BSPH1: variants seen among roughly 807,000 people sequenced by gnomAD.
The protein encoded by BSPH1 is binder of sperm 1.
Under a neutral mutation model 22.5 loss-of-function variants are expected in BSPH1, and 21 were observed. The observed-to-expected ratio is 0.93, with a 90% confidence interval of 0.66 to 1.35. The LOEUF (loss-of-function observed/expected upper bound fraction) is 1.35, where lower values mean the gene tolerates loss of function less well. Among genes scored for constraint, BSPH1 ranks in the 40% most tolerant of loss-of-function variants. BSPH1 has a pLI of 0.00. For synonymous variants in BSPH1, 42 were observed against 53.6 expected (o/e 0.78, Z 0.95); for missense variants, 141 against 154.2 (o/e 0.91, Z 0.45).
intron 1 of BSPH1, among the ~76,000 whole-genome samples, chr19:47,989,114 TTATTATTATTATTATTATTA>T (rs1568399769): frequency 3.2e-5 from 1 of 30,900 alleles, no homozygotes; most frequent in Non-Finnish European, 5.2e-5. Context: ...CACCGTTTTA[TTATTATTATTATTATTATTA>T]TTATTATTAT....
chr19:47,990,780 A>G (rs572695427), intron 1 of BSPH1, among the ~76,000 whole-genome samples: 68 of 152,098 alleles, frequency 4.5e-4, no homozygotes, highest in African/African-American at 1.5e-3. Flanking sequence ...TTATTTTTCT[A>G]TTTCGCTTCA....
chr19:47,980,910 G>A lies in BSPH1; in HGVS notation c.94+11C>T. 1 of 1,451,404 alleles carries A rather than the reference G, an allele frequency of 6.9e-7. No individual in the cohort carries two copies. The highest frequency in any genetic ancestry group is 9.3e-7 in the Non-Finnish European group (1 of 1,080,736). The allele number at this position is 1,451,404 out of a possible 1,614,324, so 89.9% of individuals were successfully genotyped here. On this transcript the variant is annotated intron_variant, in intron 2 of 5. Transcript: ENST00000344839. Reference sequence around the variant, plus strand: ...AAAGAAACGCTAATAAAAGTTTTTTGATCAACTCACCCACAGTTGATGATA... The same window carrying A: ...AAAGAAACGCTAATAAAAGTTTTTTAATCAACTCACCCACAGTTGATGATA...
At chr19:47,975,080 G>A (rs927320101) in intron 5 of BSPH1, among the ~76,000 whole-genome samples, 2 of 152,170 alleles carry the variant, frequency 1.3e-5, no homozygotes, top group Admixed American at 1.3e-4. Context: ...AACAATGGAA[G>A]ACCAGTTTCT....
chr19:47,983,697 G>A (rs1177892219), intron 1 of BSPH1, among the ~76,000 whole-genome samples: 1 of 152,150 alleles, frequency 6.6e-6, no homozygotes, highest in Non-Finnish European at 1.5e-5. Flanking sequence ...TACCTTGCAA[G>A]TACAATGCAA....
At position 47,977,434 on chromosome 19, in the gene BSPH1, TCTTGC is replaced by T. The variant is rs1293065737; in HGVS notation, c.190_194del (p.Ala64ThrfsTer41). 6.4e-7 allele frequency: 1 copy of T among 1,552,132 alleles called. No homozygotes were observed. The highest frequency in any genetic ancestry group is 8.7e-7 in the Non-Finnish European group (1 of 1,147,086). ...TCTTGTTTAACGAGCACCACTTGTG[TCTTGC>T]CTTGGACTTGATGCAGTCATAATAT... On this transcript the variant is annotated frameshift_variant, in exon 4 of 6. Transcript: ENST00000344839. LOFTEE classifies it high-confidence loss of function.
chr19:47,986,159 C>A (rs563814693), intron 1 of BSPH1, among the ~76,000 whole-genome samples: 3 of 152,194 alleles, frequency 2.0e-5, no homozygotes, highest in Non-Finnish European at 2.9e-5. Flanking sequence ...GTCCTACGAT[C>A]CTAACTTGGC....
chr19:47,991,560 A>ATCC (rs75603897), intron 1 of BSPH1, among the ~76,000 whole-genome samples: 42,982 of 63,588 alleles, frequency 0.68, 13,675 homozygotes, highest in African/African-American at 0.72. Context: ...CCTCCCGGTC[A>ATCC]TCCTCCTCCT....
intron 3 of BSPH1, among the ~76,000 whole-genome samples, chr19:47,979,269 C>G (rs191859930): frequency 6.6e-6 from 1 of 151,738 alleles, no homozygotes. Flanking sequence ...AAATATTTCT[C>G]TACTACAGCA....
chr19:47,984,836 G>A (rs150780358), intron 1 of BSPH1, among the ~76,000 whole-genome samples: 1 of 151,948 alleles, frequency 6.6e-6, no homozygotes, highest in African/African-American at 2.4e-5. Flanking sequence ...CAGCACTTTG[G>A]GAAGCTGAGG....
chr19:47,985,032 A>G (rs530667052), intron 1 of BSPH1, among the ~76,000 whole-genome samples: 1 of 148,294 alleles, frequency 6.7e-6, no homozygotes, highest in East Asian at 2.0e-4. Context: ...GCACCACTGC[A>G]CTCCAGTCTG....
At position 47,968,699 on chromosome 19, in the gene BSPH1, A is replaced by G. The variant is rs534105254; in HGVS notation, c.*3-490T>C. Among the ~76,000 whole-genome samples the G allele has an allele frequency of 1.5e-3, 228 of 150,094 alleles. 1 individual carries two copies. Among genetic ancestry groups the G allele is most frequent in the African/African-American group, 4.8e-3 (197 of 41,058 alleles). On this transcript the variant is annotated intron_variant, in intron 5 of 5. Coordinates refer to ENST00000344839, the MANE Select transcript of BSPH1 (RefSeq NM_001128326.2). ...CCTGTCTTAAAAAAAAAAAAAAAAA[A>G]AAAAGAAATCACTGATGGACCAGGC...
intron 1 of BSPH1, among the ~76,000 whole-genome samples, chr19:47,985,396 C>CAA (rs1969461483): frequency 6.6e-6 from 1 of 152,096 alleles, no homozygotes; most frequent in African/African-American, 2.4e-5. Context: ...CTGTACCCTG[C>CAA]AAAATTATTC....
intron 1 of BSPH1, among the ~76,000 whole-genome samples, chr19:47,988,749 G>C: frequency 6.6e-6 from 1 of 151,504 alleles, no homozygotes; most frequent in East Asian, 1.9e-4. Flanking sequence ...GCATGTCCGG[G>C]TCTACACACC....
chr19:47,974,092 C>A (rs1013351077), intron 5 of BSPH1, among the ~76,000 whole-genome samples: 2 of 152,202 alleles, frequency 1.3e-5, no homozygotes, highest in South Asian at 4.2e-4. Flanking sequence ...TATCTGCATG[C>A]ACCTCCCGGC....
chr19:47,989,152 ATT>A (rs1172915605), intron 1 of BSPH1, among the ~76,000 whole-genome samples: 3 of 140,920 alleles, frequency 2.1e-5, no homozygotes, highest in Non-Finnish European at 4.5e-5. Context: ...TATTATTATT[ATT>A]ATTATTTTGA....
Position 47,980,944 on chromosome 19 carries a change from GA to G in BSPH1, c.74-4del, listed in dbSNP as rs1969414410. Reference sequence around the variant, plus strand: ...ACCCACAGTTGATGATAATTCATCTGAAAAACACAATTTTGAACAAATATTT... The same window carrying G: ...ACCCACAGTTGATGATAATTCATCTGAAAACACAATTTTGAACAAATATTT... On this transcript the variant is annotated splice_polypyrimidine_tract_variant and splice_region_variant and intron_variant, in intron 1 of 5. Coordinates refer to ENST00000344839, the MANE Select transcript of BSPH1 (RefSeq NM_001128326.2). 3.5e-6 allele frequency: 5 copies of G among 1,429,992 alleles called. No individual in the cohort carries two copies. The highest frequency in any genetic ancestry group is 4.7e-6 in the Non-Finnish European group (5 of 1,068,386). 88.6% of individuals were successfully genotyped at this position (1,429,992 alleles called of 1,614,324 possible).
Position 47,980,910 on chromosome 19 carries a change from G to T in BSPH1, c.94+11C>A. ...AAAGAAACGCTAATAAAAGTTTTTT[G>T]ATCAACTCACCCACAGTTGATGATA... On this transcript the variant is annotated intron_variant, in intron 2 of 5. Coordinates refer to ENST00000344839, the MANE Select transcript of BSPH1 (RefSeq NM_001128326.2). The T allele has an allele frequency of 1.4e-6, 2 of 1,451,396 alleles. No homozygotes were observed. Among genetic ancestry groups the T allele is most frequent in the South Asian group, 2.7e-5 (2 of 73,780 alleles). The allele number at this position is 1,451,396 out of a possible 1,614,324, so 89.9% of individuals were successfully genotyped here.
rs539104980 is a variant in BSPH1, at chr19:47,976,809, T to A, written c.302A>T (p.Tyr101Phe). The A allele has an allele frequency of 1.3e-6, 2 of 1,551,642 alleles. No homozygotes were observed. The highest frequency in any genetic ancestry group is 3.9e-5 in the Admixed American group (2 of 50,998). Residue 101 changes from tyrosine to phenylalanine, a missense_variant, in exon 5 of 6, where the codon TAC becomes TTC. Transcript: ENST00000344839. ...VFPFWYRRLIYWECTDDGEAF... is the reference protein window; with the variant it reads ...VFPFWYRRLIFWECTDDGEAF... ...TTCCCCATCATCAGTACACTCCCAG[T>A]AGATCAAGCGTCTGTACCAGAAGGG...
At chr19:47,976,491 C>T (rs959876182) in intron 5 of BSPH1, among the ~76,000 whole-genome samples, 1 of 147,826 alleles carries the variant, frequency 6.8e-6, no homozygotes, top group African/African-American at 2.5e-5. Flanking sequence ...AGTGCTGAGG[C>T]TAAACTACAG....
Sources: gnomAD v4.1 joint callset for allele counts (sites outside exome capture counted in the v4.1 genomes callset) on GRCh38, gnomAD v4.1.1 for gene constraint, MANE v1.5 for transcripts, NCBI Gene and HGNC (gene_info 2026-07-23, HGNC 2026-07-21) for gene names.